Variants in SCN1A observed in about 807,000 individuals in gnomAD.
SCN1A encodes the protein sodium voltage-gated channel alpha subunit 1, also known as sodium channel protein type 1 subunit alpha.
SCN1A carries 13 observed loss-of-function variants against 193.7 expected under a neutral mutation model. The ratio of observed to expected loss-of-function variants is 0.07; its 90% CI spans 0.04 to 0.11. SCN1A has a LOEUF of 0.11. SCN1A is among the 10% of genes least tolerant of loss of function. The pLI is 1.00. For missense variants in SCN1A, 1,432 were observed against 2,451.1 expected (o/e 0.58, Z 8.78); for synonymous variants, 781 against 843.6 (o/e 0.93, Z 1.29).
intron 9 of SCN1A, among the ~76,000 whole-genome samples, chr2:166,049,651 TCTATAA>T (rs1698308359): frequency 6.6e-6 from 1 of 152,042 alleles, no homozygotes; most frequent in South Asian, 2.1e-4. Flanking sequence ...GTCCAGTTCT[TCTATAA>T]CTTTTTCCTT....
intron 13 of SCN1A, 33 bp from the exon 14 acceptor site, chr2:166,044,082 A>G: frequency 6.2e-7 from 1 of 1,612,100 alleles, no homozygotes; most frequent in Non-Finnish European, 8.5e-7. Context: ...AAATAAAGTC[A>G]TATTAATATG....
intron 2 of SCN1A, among the ~76,000 whole-genome samples, chr2:166,122,134 G>A (rs1403389944): frequency 6.6e-6 from 1 of 152,172 alleles, no homozygotes; most frequent in Non-Finnish European, 1.5e-5. Flanking sequence ...TGTCATGGTA[G>A]CCCAAGTTAA....
intron 19 of SCN1A, among the ~76,000 whole-genome samples, chr2:166,030,143 A>C (rs1172095598): frequency 2.0e-5 from 3 of 152,204 alleles, no homozygotes; most frequent in African/African-American, 7.2e-5. Context: ...ACATTTTCAG[A>C]CACTATTAAG....
chr2:166,047,039 T>G, intron 11 of SCN1A, 63 bp from the exon 12 acceptor site: 1 of 1,551,698 alleles, frequency 6.4e-7, no homozygotes, highest in Non-Finnish European at 8.9e-7. Context: ...GCTTCAACTT[T>G]CAATTTACTC....
At position 166,126,914 on chromosome 2, in the gene SCN1A, A is replaced by C. The variant is rs906364284; in HGVS notation, c.-142+10T>G. The C allele has an allele frequency of 1.3e-5, 2 of 152,242 alleles. No individual in the cohort carries two copies. The highest frequency in any genetic ancestry group is 4.8e-5 in the African/African-American group (2 of 41,448). The allele number at this position is 152,242 out of a possible 1,614,324, so 9.4% of individuals were successfully genotyped here. On this transcript the variant is annotated intron_variant, in intron 2 of 28. Transcript: ENST00000674923. ...AATGCAGCAAGTGGGTCGGGTCTTT[A>C]AACACATACCTCAAACAGGTAGGAG...
At chr2:166,039,910 CTTTTTTTTTTTTTTTTTT>C (rs10523688) in intron 16 of SCN1A, among the ~76,000 whole-genome samples, 7 of 110,880 alleles carry the variant, frequency 6.3e-5, no homozygotes, top group African/African-American at 6.4e-5. Context: ...TACAAGTCAT[CTTTTTTTTTTTTTTTTTT>C]TTTTTTTTTT....
intron 2 of SCN1A, among the ~76,000 whole-genome samples, chr2:166,083,667 AT>A (rs1189438223): frequency 1.3e-5 from 2 of 151,958 alleles, no homozygotes; most frequent in Non-Finnish European, 2.9e-5. Flanking sequence ...GATTAATTTC[AT>A]TTTTTTCCTT....
chr2:166,040,708 G>A (rs1234393706), intron 16 of SCN1A, among the ~76,000 whole-genome samples: 3 of 152,134 alleles, frequency 2.0e-5, no homozygotes, highest in Non-Finnish European at 4.4e-5. Flanking sequence ...AATGACCTTT[G>A]TAATCATATA....
chr2:165,994,378 T>A lies in SCN1A; in HGVS notation c.4620A>T (p.Arg1540Ser), dbSNP rs750623506. The A allele has an allele frequency of 2.5e-6, 4 of 1,612,970 alleles. No individual in the cohort carries two copies. The highest frequency in any genetic ancestry group is 1.7e-4 in the Middle Eastern group (1 of 6,044). Residue 1540 changes from arginine (R) to serine (S), a missense_variant, in exon 28 of 29, where the codon AGA becomes AGT. By Grantham distance (110) the Arg-to-Ser change is moderately radical (BLOSUM62 -1). This residue lies in a region of SCN1A where 85 missense variants were observed against 119.1 expected (regional missense o/e 0.71). Coordinates refer to ENST00000674923, the MANE Select transcript of SCN1A (RefSeq NM_001165963.4). ...TCATGATGCTTATGTCAAAAACTTG[T>A]CTGGTTACGAAGTCAAAGACCATTC... ...FQGMVFDFVT[R>S]QVFDISIMIL... is the part of the protein sequence containing the mutation.
At chr2:166,107,646 G>C (rs1175745632) in intron 2 of SCN1A, among the ~76,000 whole-genome samples, 1 of 152,036 alleles carries the variant, frequency 6.6e-6, no homozygotes, top group Non-Finnish European at 1.5e-5. Flanking sequence ...AATAAGAAGA[G>C]AACACAACTT....
At chr2:166,121,570 T>A (rs1690598357) in intron 2 of SCN1A, among the ~76,000 whole-genome samples, 1 of 152,208 alleles carries the variant, frequency 6.6e-6, no homozygotes. Context: ...TCATCATGCC[T>A]GTAATTACAA....
intron 25 of SCN1A, among the ~76,000 whole-genome samples, chr2:165,999,402 C>T (rs1690514945): frequency 6.6e-6 from 1 of 151,298 alleles, no homozygotes; most frequent in African/African-American, 2.4e-5. Context: ...CAAATTTGGT[C>T]CCGCACACTA....
In SCN1A at chr2:166,064,807, A is replaced by G. The variant is rs116903862; in HGVS notation, c.265-6119T>C. Among the ~76,000 whole-genome samples, 77 of 152,312 alleles carry G rather than the reference A, an allele frequency of 5.1e-4. No homozygotes were observed. In the East Asian group the frequency reaches 0.015, roughly 29 times the overall value. ...TGCCAAATAACAGGACTGACTCCAAATTTATTGCACTTTCCTACTCTTAAA... is the reference window on the plus strand; with the variant it reads ...TGCCAAATAACAGGACTGACTCCAAGTTTATTGCACTTTCCTACTCTTAAA... On this transcript the variant is annotated intron_variant, in intron 4 of 28. Coordinates refer to ENST00000674923, the MANE Select transcript of SCN1A (RefSeq NM_001165963.4).
intron 9 of SCN1A, among the ~76,000 whole-genome samples, chr2:166,049,531 A>C (rs1183601963): frequency 6.6e-6 from 1 of 152,066 alleles, no homozygotes; most frequent in African/African-American, 2.4e-5. Context: ...AACTGAAATG[A>C]AAGCAATTTT....
chr2:166,017,622 T>C (rs757253653), intron 19 of SCN1A, among the ~76,000 whole-genome samples: 1 of 152,018 alleles, frequency 6.6e-6, no homozygotes, highest in Non-Finnish European at 1.5e-5. Flanking sequence ...ATAAAAACCA[T>C]GTGAGCAACA....
chr2:166,131,382 C>A (rs1234567199), upstream of SCN1A, among the ~76,000 whole-genome samples: 1 of 144,038 alleles, frequency 6.9e-6, no homozygotes, highest in Admixed American at 6.7e-5. Flanking sequence ...TTGTAAGACT[C>A]CGTCTCTGTA....
intron 19 of SCN1A, among the ~76,000 whole-genome samples, chr2:166,020,281 A>G (rs191201782): frequency 1.6e-4 from 25 of 152,278 alleles, no homozygotes; most frequent in Admixed American, 3.9e-4. Context: ...CGGAAGAGTA[A>G]TAATTGCTCT....
chr2:166,000,491 T>G (rs1690676687), intron 24 of SCN1A, among the ~76,000 whole-genome samples: 1 of 151,674 alleles, frequency 6.6e-6, no homozygotes. Flanking sequence ...AATTTGTTAC[T>G]TGTCCTGGGG....
In SCN1A at chr2:166,013,898, C is replaced by T. The variant is rs746541835; in HGVS notation, c.3551G>A (p.Gly1184Asp). ...ACAACACTTGAATCTTTGTACACAG[C>T]CTGCAGAAAGTGTTGAAATAAAAGT... ...TLEPEACFTEGCVQRFKCCQI... is the reference protein window; with the variant it reads ...TLEPEACFTEDCVQRFKCCQI... The change falls in exon 21 of 29, where the codon GGC (glycine) becomes GAC (aspartate). Residue 1184 changes from glycine to aspartate, a missense_variant and splice_region_variant. By Grantham distance (94) the Gly-to-Asp change is moderately conservative. Coordinates refer to ENST00000674923, the MANE Select transcript of SCN1A (RefSeq NM_001165963.4). 1 of 1,611,058 alleles carries T rather than the reference C, an allele frequency of 6.2e-7. No homozygotes were observed. The highest frequency in any genetic ancestry group is 1.1e-5 in the South Asian group (1 of 91,054).
Sources: allele counts gnomAD v4.1 joint callset (sites outside exome capture counted in the v4.1 genomes callset), GRCh38; gene constraint gnomAD v4.1.1; regional missense constraint gnomAD v4.1.1; transcripts MANE v1.5; gene names NCBI Gene and HGNC (gene_info 2026-07-23, HGNC 2026-07-21).